Variants in TENM2 observed in about 807,000 individuals in gnomAD.
The protein encoded by TENM2 is teneurin-2.
A neutral mutation model predicts 245.2 loss-of-function variants in TENM2; 52 were observed. That is an observed-to-expected ratio of 0.21 (90% CI 0.17 to 0.27). TENM2 has a LOEUF of 0.27. Among genes scored for constraint, TENM2 ranks in the 10% least tolerant of loss-of-function variants. TENM2 has a pLI of 1.00. For synonymous variants in TENM2, 1,363 were observed against 1,438.9 expected (o/e 0.95, Z 1.19); for missense variants, 3,046 against 3,666.8 (o/e 0.83, Z 4.37).
intron 2 of TENM2, among the ~76,000 whole-genome samples, chr5:167,492,086 G>A (rs935364640): frequency 1.3e-5 from 2 of 152,234 alleles, no homozygotes; most frequent in South Asian, 4.1e-4. Context: ...TCTATGTTGA[G>A]CAAGAGAGAA....
chr5:167,200,155 TTG>T, the TENM2 span, among the ~76,000 whole-genome samples: 2 of 150,432 alleles, frequency 1.3e-5, no homozygotes, highest in African/African-American at 2.4e-5. Context: ...CTATCCCCCT[TTG>T]TGTGTGTGTG....
chr5:168,092,329 T>G (rs1793013684), intron 8 of TENM2, among the ~76,000 whole-genome samples: 1 of 152,228 alleles, frequency 6.6e-6, no homozygotes, highest in Non-Finnish European at 1.5e-5. Flanking sequence ...CTGTAGCCCA[T>G]GGGCCTAATC....
At chr5:167,025,140 G>A in the TENM2 span, among the ~76,000 whole-genome samples, 4 of 152,008 alleles carry the variant, frequency 2.6e-5, no homozygotes, top group South Asian at 2.1e-4. Flanking sequence ...TATTTTAATG[G>A]CCACACTTAA....
At chr5:167,901,860 A>G (rs1045425431) in intron 3 of TENM2, among the ~76,000 whole-genome samples, 1 of 152,216 alleles carries the variant, frequency 6.6e-6, no homozygotes, top group Non-Finnish European at 1.5e-5. Context: ...TTGCATATCT[A>G]TACTTATTTC....
intron 2 of TENM2, among the ~76,000 whole-genome samples, chr5:167,822,563 C>T (rs768335697): frequency 6.6e-6 from 1 of 152,180 alleles, no homozygotes; most frequent in Non-Finnish European, 1.5e-5. Flanking sequence ...TAGGATTTGT[C>T]ACCTTCATGA....
chr5:167,692,052 A>T (rs1757467720), intron 2 of TENM2, among the ~76,000 whole-genome samples: 1 of 151,994 alleles, frequency 6.6e-6, no homozygotes, highest in South Asian at 2.1e-4. Context: ...TAATTGCTTG[A>T]TAGCCTTCTC....
intron 1 of TENM2, among the ~76,000 whole-genome samples, chr5:167,315,211 T>C (rs1416370794): frequency 6.6e-6 from 1 of 152,178 alleles, no homozygotes; most frequent in African/African-American, 2.4e-5. Context: ...TTTATCATTT[T>C]ACACCAGTAA....
the TENM2 span, among the ~76,000 whole-genome samples, chr5:167,041,349 G>T: frequency 7.2e-5 from 11 of 152,204 alleles, no homozygotes; most frequent in Admixed American, 7.2e-4. Flanking sequence ...AAAGGTCTCA[G>T]ATATCCACAG....
intron 2 of TENM2, among the ~76,000 whole-genome samples, chr5:167,448,449 T>C (rs1765364593): frequency 6.6e-6 from 1 of 151,468 alleles, no homozygotes. Context: ...ATAGCTTTTA[T>C]TTAAACTAAA....
intron 2 of TENM2, among the ~76,000 whole-genome samples, chr5:167,659,530 A>G (rs1311157795): frequency 6.6e-6 from 1 of 152,240 alleles, no homozygotes; most frequent in Non-Finnish European, 1.5e-5. Flanking sequence ...TTATTGATAC[A>G]TAAGAAATGT....
chr5:168,016,701 G>T (rs1440102628), intron 5 of TENM2, among the ~76,000 whole-genome samples: 2 of 152,178 alleles, frequency 1.3e-5, no homozygotes, highest in Admixed American at 6.5e-5. Context: ...GAGGTAGCTT[G>T]CTTGGTAGCT....
chr5:167,442,295 C>T (rs748585230), intron 2 of TENM2, among the ~76,000 whole-genome samples: 36 of 152,090 alleles, frequency 2.4e-4, no homozygotes, highest in Non-Finnish European at 2.5e-4. Context: ...ATATTTTATT[C>T]AACCAGTTAC....
At chr5:168,060,114 G>A (rs1306294280) in intron 6 of TENM2, among the ~76,000 whole-genome samples, 1 of 152,026 alleles carries the variant, frequency 6.6e-6, no homozygotes, top group South Asian at 2.1e-4. Context: ...CATGCTGGGT[G>A]TGGTGGCTCA....
chr5:167,976,444 C>A (rs1165315416), intron 4 of TENM2, among the ~76,000 whole-genome samples: 2 of 152,098 alleles, frequency 1.3e-5, no homozygotes, highest in East Asian at 1.9e-4. Flanking sequence ...TGAAGACCTG[C>A]AGTAATGTTT....
intron 2 of TENM2, among the ~76,000 whole-genome samples, chr5:167,731,364 G>A (rs981375251): frequency 4.6e-5 from 7 of 152,058 alleles, no homozygotes; most frequent in African/African-American, 1.7e-4. Flanking sequence ...TTTCTGGCCT[G>A]TGCTCTGAGA....
intron 13 of TENM2, among the ~76,000 whole-genome samples, chr5:168,176,977 T>C (rs142677028): frequency 2.6e-5 from 4 of 152,384 alleles, no homozygotes; most frequent in African/African-American, 9.6e-5. Flanking sequence ...ATCTGTATTA[T>C]TGACTTGGCC....
At chr5:167,346,153 G>A (rs1358456586) in intron 1 of TENM2, among the ~76,000 whole-genome samples, 2 of 152,144 alleles carry the variant, frequency 1.3e-5, no homozygotes, top group Non-Finnish European at 2.9e-5. Context: ...GTTTAAAGAG[G>A]ATATTGGACT....
rs376445157 is a variant in TENM2 at position 167,298,362 on chromosome 5, G to A, written c.226+13299G>A. On this transcript the variant is annotated intron_variant, in intron 1 of 28. Coordinates refer to ENST00000518659, the Ensembl canonical transcript of TENM2. ...CTCACGCCTGTAATCCCAGCACTTC[G>A]GGAGGCCGAGGGGGGCGGATCACGA... 1.0e-3 allele frequency among the ~76,000 whole-genome samples: 152 copies of A among 152,336 alleles called. 2 individuals carry two copies. The South Asian group carries it at 0.025, about 25-fold the overall frequency.
intron 2 of TENM2, among the ~76,000 whole-genome samples, chr5:167,640,245 AT>A (rs1320399655): frequency 6.6e-6 from 1 of 152,214 alleles, no homozygotes; most frequent in Non-Finnish European, 1.5e-5. Context: ...CTCGTTTCTA[AT>A]ATGGATAGTA....
Sources: gnomAD v4.1 joint callset for allele counts (sites outside exome capture counted in the v4.1 genomes callset) on GRCh38, gnomAD v4.1.1 for gene constraint, MANE v1.5 for transcripts, NCBI Gene and HGNC (gene_info 2026-07-23, HGNC 2026-07-21) for gene names.